CTNNA3: variants seen among roughly 807,000 people sequenced by gnomAD.
CTNNA3 encodes catenin alpha 3.
CTNNA3 carries 76 observed loss-of-function variants against 95.7 expected under a neutral mutation model. That is an observed-to-expected ratio of 0.79 (90% CI 0.66 to 0.96). The LOEUF (loss-of-function observed/expected upper bound fraction) is 0.96. CTNNA3 is among the 40% of genes least tolerant of loss of function. The pLI, the probability that CTNNA3 is intolerant of heterozygous loss-of-function variation, is 0.00. For missense variants in CTNNA3, 1,191 were observed against 1,089.8 expected (o/e 1.09, Z -1.31); for synonymous variants, 431 against 374.4 (o/e 1.15, Z -1.74).
At chr10:66,447,201 C>T (rs2131811720) in intron 11 of CTNNA3, among the ~76,000 whole-genome samples, 1 of 152,272 alleles carries the variant, frequency 6.6e-6, no homozygotes, top group Admixed American at 6.5e-5. Context: ...GAAGAATATT[C>T]CATGCTCATG....
intron 9 of CTNNA3, among the ~76,000 whole-genome samples, chr10:66,694,667 C>T (rs371113183): frequency 3.0e-4 from 46 of 152,164 alleles, no homozygotes; most frequent in East Asian, 1.7e-3. Context: ...GCAGGATATA[C>T]GAAAACAGGT....
At chr10:65,957,907 T>G (rs866572952) in intron 17 of CTNNA3, among the ~76,000 whole-genome samples, 26 of 152,266 alleles carry the variant, frequency 1.7e-4, no homozygotes, top group African/African-American at 6.0e-4. Flanking sequence ...GTTCTCTGTA[T>G]TTCCTGAATT....
At chr10:66,582,468 C>G (rs532541453) in intron 10 of CTNNA3, among the ~76,000 whole-genome samples, 2 of 151,642 alleles carry the variant, frequency 1.3e-5, no homozygotes, top group South Asian at 4.1e-4. Flanking sequence ...AGCAGTGATA[C>G]TGATTTATGC....
chr10:66,032,611 T>C (rs1295275716), intron 15 of CTNNA3, among the ~76,000 whole-genome samples: 1 of 152,190 alleles, frequency 6.6e-6, no homozygotes, highest in Non-Finnish European at 1.5e-5. Context: ...GTATGTTGTA[T>C]GCCAGATATT....
intron 15 of CTNNA3, among the ~76,000 whole-genome samples, chr10:66,018,856 A>G (rs545107723): frequency 6.6e-6 from 1 of 151,952 alleles, no homozygotes; most frequent in East Asian, 1.9e-4. Flanking sequence ...TCTTTGAAGG[A>G]AAAAAAATAG....
At chr10:66,219,933 G>A (rs2088822846) in intron 13 of CTNNA3, among the ~76,000 whole-genome samples, 1 of 152,056 alleles carries the variant, frequency 6.6e-6, no homozygotes, top group Admixed American at 6.5e-5. Flanking sequence ...AGACAAGCCT[G>A]GTCAACATGG....
chr10:67,187,376 CAAATCCATACACT>C (rs1473790783), intron 6 of CTNNA3, among the ~76,000 whole-genome samples: 5 of 151,934 alleles, frequency 3.3e-5, no homozygotes, highest in Admixed American at 2.0e-4. Flanking sequence ...ATGTAAGTAC[CAAATCCATACACT>C]TTCTACCACT....
chr10:67,745,524 G>T (rs971173629), intron 1 of CTNNA3, among the ~76,000 whole-genome samples: 4 of 130,940 alleles, frequency 3.1e-5, no homozygotes, highest in South Asian at 3.0e-4. Context: ...TGGGGGGGAG[G>T]GGGGAGGGAT....
intron 11 of CTNNA3, among the ~76,000 whole-genome samples, chr10:66,401,958 C>A (rs547680284): frequency 6.6e-5 from 10 of 152,082 alleles, no homozygotes; most frequent in South Asian, 4.2e-4. Context: ...CCATACCCGG[C>A]CTCTTTTATT....
At chr10:67,709,609 C>G (rs999051778) in intron 1 of CTNNA3, among the ~76,000 whole-genome samples, 2 of 152,004 alleles carry the variant, frequency 1.3e-5, no homozygotes, top group African/African-American at 2.4e-5. Context: ...ACCCCTCCCC[C>G]CAACCCTCCC....
At chr10:66,834,613 G>C (rs1368870688) in intron 7 of CTNNA3, among the ~76,000 whole-genome samples, 1 of 152,166 alleles carries the variant, frequency 6.6e-6, no homozygotes, top group Non-Finnish European at 1.5e-5. Flanking sequence ...GTTATTTGAA[G>C]ATATGACTTT....
chr10:67,303,225 C>T (rs1485087184), intron 5 of CTNNA3, among the ~76,000 whole-genome samples: 1 of 152,186 alleles, frequency 6.6e-6, no homozygotes, highest in African/African-American at 2.4e-5. Context: ...CCAGAGAAAG[C>T]CATAGAGACA....
rs542773271 is a variant in CTNNA3 at position 66,831,486 on chromosome 10, A to G, written c.1048-55962T>C. The stretch of plus-strand genomic sequence containing the variant: ...AACTTTTAATCCACCCTTACCTCTC[A>G]GGTTTGAAATCTTTTCTGGGATGCT... On this transcript the variant is annotated intron_variant, in intron 7 of 17. Coordinates refer to ENST00000433211, the MANE Select transcript of CTNNA3 (RefSeq NM_013266.4). 4.6e-5 allele frequency among the ~76,000 whole-genome samples: 7 copies of G among 152,266 alleles called. 1 individual carries two copies. Among genetic ancestry groups the G allele is most frequent in the Admixed American group, 4.6e-4 (7 of 15,292 alleles).
At chr10:67,022,581 A>G (rs1853093687) in intron 7 of CTNNA3, among the ~76,000 whole-genome samples, 1 of 152,188 alleles carries the variant, frequency 6.6e-6, no homozygotes, top group African/African-American at 2.4e-5. Flanking sequence ...TGCAGTGTAC[A>G]AAGTCAATAT....
intron 7 of CTNNA3, among the ~76,000 whole-genome samples, chr10:66,890,594 G>T (rs927491724): frequency 2.2e-4 from 33 of 152,172 alleles, no homozygotes; most frequent in African/African-American, 7.5e-4. Flanking sequence ...TGCAATGGGA[G>T]TAAAAAGAGA....
intron 11 of CTNNA3, among the ~76,000 whole-genome samples, chr10:66,475,429 G>A (rs763582911): frequency 6.6e-5 from 10 of 151,926 alleles, no homozygotes; most frequent in Non-Finnish European, 1.3e-4. Context: ...CAGATGGATA[G>A]GTTGCAAAAA....
At chr10:66,222,578 G>T in intron 13 of CTNNA3, among the ~76,000 whole-genome samples, 1 of 133,104 alleles carries the variant, frequency 7.5e-6, no homozygotes, top group Middle Eastern at 3.6e-3. Context: ...AGGAAAGAAA[G>T]AAGGAAAGAA....
In CTNNA3 at chr10:67,564,410, G is replaced by A. The variant is rs543025677; in HGVS notation, c.293-24741C>T. On this transcript the variant is annotated intron_variant, in intron 3 of 17. Transcript: ENST00000433211. ...TCGCAAGGACAGAAAACCAAAGACC[G>A]CATGTTCTCACTCATAGGTGGGAAT... Among the ~76,000 whole-genome samples the A allele has an allele frequency of 4.8e-4, 69 of 142,670 alleles. 1 individual carries two copies. The highest frequency in any genetic ancestry group is 1.3e-3 in the African/African-American group (48 of 38,088). The allele number at this position is 142,670 out of a possible 152,430, so 93.6% of individuals were successfully genotyped here.
At chr10:66,093,192 T>C (rs1285384992) in intron 14 of CTNNA3, among the ~76,000 whole-genome samples, 2 of 151,988 alleles carry the variant, frequency 1.3e-5, no homozygotes, top group Non-Finnish European at 2.9e-5. Context: ...TTTTTCTCTG[T>C]CTAGATTTTT....
Sources: allele counts gnomAD v4.1 joint callset (sites outside exome capture counted in the v4.1 genomes callset), GRCh38; gene constraint gnomAD v4.1.1; transcripts MANE v1.5; gene names NCBI Gene and HGNC (gene_info 2026-07-23, HGNC 2026-07-21).